Variants in MEIOB observed in about 807,000 individuals in gnomAD.
MEIOB encodes meiosis specific with OB-fold, also known as meiosis-specific with OB domain-containing protein.
MEIOB carries 50 observed loss-of-function variants against 53.1 expected under a neutral mutation model. The observed-to-expected ratio is 0.94, with a 90% CI of 0.75 to 1.19. MEIOB has a LOEUF of 1.19. MEIOB is among the 50% of genes most tolerant of loss of function. The probability of loss-of-function intolerance (pLI) is 0.00; values close to 1 mark genes in which losing one functional copy is unlikely to be tolerated. For synonymous variants in MEIOB, 192 were observed against 182.5 expected, an observed-to-expected ratio of 1.05 and a Z score of -0.42; for missense variants, 551 against 550.8, an observed-to-expected ratio of 1.00 and a Z score of 0.00.
At chr16:1,862,232 T>A in intron 3 of MEIOB, 116 bp from the exon 4 acceptor site, 1 of 770,080 alleles carries the variant, frequency 1.3e-6, no homozygotes, top group Non-Finnish European at 2.0e-6. Context: ...GATTATTTGT[T>A]TAATCAAATA....
intron 11 of MEIOB, chr16:1,839,666 C>G (rs962115079): frequency 4.4e-6 from 2 of 450,828 alleles, no homozygotes; most frequent in South Asian, 3.2e-5. Flanking sequence ...CTCTGCCTGC[C>G]CTCCTTCCCT....
chr16:1,846,364 G>A (rs1208695268), intron 9 of MEIOB, among the ~76,000 whole-genome samples: 3 of 152,124 alleles, frequency 2.0e-5, no homozygotes, highest in African/African-American at 7.2e-5. Context: ...AGAAAGGCAG[G>A]AATTGTGCCC....
At chr16:1,855,385 T>C (rs1173385961) in intron 6 of MEIOB, among the ~76,000 whole-genome samples, 1 of 151,390 alleles carries the variant, frequency 6.6e-6, no homozygotes, top group Admixed American at 6.6e-5. Flanking sequence ...TGAGCCAAGA[T>C]CACGCCACTG....
chr16:1,853,030 G>C lies in MEIOB; in HGVS notation c.778+9C>G. On this transcript the variant is annotated intron_variant, in intron 9 of 13. Coordinates refer to ENST00000325962, the MANE Select transcript of MEIOB (RefSeq NM_001163560.3). ...CCAAAGGGATAAAAGGTTTCACAAAGTTTTTTACCTGGATTAGTTGTAATA... is the reference window on the plus strand; with the variant it reads ...CCAAAGGGATAAAAGGTTTCACAAACTTTTTTACCTGGATTAGTTGTAATA... 1 of 1,579,444 alleles carries C rather than the reference G, an allele frequency of 6.3e-7. No homozygotes were observed. Among genetic ancestry groups the C allele is most frequent in the Non-Finnish European group, 8.7e-7 (1 of 1,150,056 alleles).
intron 9 of MEIOB, among the ~76,000 whole-genome samples, chr16:1,851,520 G>A (rs1055925185): frequency 3.3e-5 from 5 of 151,980 alleles, no homozygotes; most frequent in Admixed American, 6.6e-5. Flanking sequence ...CCATTTTGTC[G>A]TTGCACCCCA....
rs1293838235 is a variant in MEIOB, at chr16:1,858,129, TTGATTCG to T, written c.333-206_333-200del. 2.6e-5 allele frequency among the ~76,000 whole-genome samples: 4 copies of T among 152,220 alleles called. 1 individual carries two copies. Among genetic ancestry groups the T allele is most frequent in the Admixed American group, 2.6e-4 (4 of 15,286 alleles). On this transcript the variant is annotated intron_variant, in intron 5 of 13. Coordinates refer to ENST00000325962, the MANE Select transcript of MEIOB (RefSeq NM_001163560.3). ...TTTCATTAAGGAAATGTTTTGAGAATTGATTCGTGTCGGGGTTCTAAACATACCATTT... is the reference window on the plus strand; with the variant it reads ...TTTCATTAAGGAAATGTTTTGAGAATTGTCGGGGTTCTAAACATACCATTT...
At chr16:1,834,655 T>A (rs62038399) in intron 13 of MEIOB, among the ~76,000 whole-genome samples, 3 of 152,178 alleles carry the variant, frequency 2.0e-5, no homozygotes, top group Non-Finnish European at 4.4e-5. Context: ...GGCCGGGTGC[T>A]GGTGCAGTGG....
At chr16:1,868,290 C>T (rs1053718450) in intron 1 of MEIOB, 106 bp from the exon 2 acceptor site, 3 of 582,420 alleles carry the variant, frequency 5.2e-6, no homozygotes, top group Non-Finnish European at 9.1e-6. Context: ...GACATGGTGG[C>T]TCATACCTGT....
chr16:1,847,383 A>C (rs1596970821), intron 9 of MEIOB, among the ~76,000 whole-genome samples: 1 of 151,040 alleles, frequency 6.6e-6, no homozygotes, highest in Non-Finnish European at 1.5e-5. Flanking sequence ...AATTGCTTGA[A>C]CCCTGGAGGC....
chr16:1,839,420 A>G lies in MEIOB; in HGVS notation c.1053T>C (p.Ile351=), dbSNP rs143531383. 13 of 1,612,038 alleles carry G rather than the reference A, an allele frequency of 8.1e-6. No homozygotes were observed. Among genetic ancestry groups the G allele is most frequent in the South Asian group, 2.2e-5 (2 of 90,482 alleles). The stretch of plus-strand genomic sequence containing the variant: ...TGCACATGTTAGATGCTTCATTTAC[A>G]ATATAACCACAGCTGGAACTGAAAA... ...VRNRCSSCGY[I]VNEASNMCTT... Residue 351 remains isoleucine (I), a synonymous_variant, in exon 12 of 14, where the codon ATT becomes ATC. Transcript: ENST00000325962.
rs116127145 is a variant in MEIOB, at chr16:1,867,320, C to G, written c.69+787G>C. Among the ~76,000 whole-genome samples, 677 of 152,148 alleles carry G rather than the reference C, an allele frequency of 4.4e-3. 6 individuals carry two copies. Among genetic ancestry groups the G allele is most frequent in the African/African-American group, 0.015 (613 of 41,510 alleles). ...ATTGAATTCCCCTATAACTCCTACT[C>G]AAAGAGTCAATTTTCACATCATCAT... On this transcript the variant is annotated intron_variant, in intron 2 of 13. Coordinates refer to ENST00000325962, the MANE Select transcript of MEIOB (RefSeq NM_001163560.3).
rs1899386025 is a variant in MEIOB at position 1,859,384 on chromosome 16, A to G, written c.332+1019T>C. On this transcript the variant is annotated intron_variant, in intron 5 of 13. Transcript: ENST00000325962. ...TAGCAAAACCCCGCCTCTACTAAAA[A>G]TACAAAAATTAGCTGGGTGTGGGGC... 2.0e-5 allele frequency among the ~76,000 whole-genome samples: 3 copies of G among 152,200 alleles called. No individual in the cohort carries two copies. In the South Asian group the frequency reaches 6.2e-4, roughly 32 times the overall value.
At chr16:1,865,023 C>T (rs976728594) in intron 3 of MEIOB, among the ~76,000 whole-genome samples, 1 of 152,134 alleles carries the variant, frequency 6.6e-6, no homozygotes, top group Non-Finnish European at 1.5e-5. Context: ...AAGCATCATG[C>T]CTGTAATCTG....
Position 1,841,922 on chromosome 16 carries a change from A to T in MEIOB, c.932T>A (p.Leu311Ter), listed in dbSNP as rs1481809318. Reference sequence around the variant, plus strand: ...AGGATCAGCTTTTCCTTCATTCTTCAAAGCTTTTCCCTTTAATTGTTCAAC... The same window carrying T: ...AGGATCAGCTTTTCCTTCATTCTTCTAAGCTTTTCCCTTTAATTGTTCAAC... The part of the protein sequence containing the change: ...YTVEQLKGKA[L>*]KNEGKADPSY... Residue 311 changes from leucine to a stop codon, truncating the protein, a stop_gained, in exon 11 of 14, where the codon TTG becomes TAG. Coordinates refer to ENST00000325962, the MANE Select transcript of MEIOB (RefSeq NM_001163560.3). LOFTEE classifies it high-confidence loss of function. 1 of 1,608,978 alleles carries T rather than the reference A, an allele frequency of 6.2e-7. No homozygotes were observed. The highest frequency in any genetic ancestry group is 8.5e-7 in the Non-Finnish European group (1 of 1,177,576).
chr16:1,852,946 C>T, intron 9 of MEIOB, 93 bp downstream of exon 9: 7 of 780,554 alleles, frequency 9.0e-6, no homozygotes, highest in Non-Finnish European at 1.2e-5. Flanking sequence ...GAATTAAATC[C>T]AGGCTGAATT....
intron 1 of MEIOB, among the ~76,000 whole-genome samples, chr16:1,869,686 C>T (rs542168463): frequency 8.6e-5 from 13 of 150,578 alleles, no homozygotes; most frequent in South Asian, 4.2e-4. Flanking sequence ...CTCCTGACCT[C>T]GTGATCCGCC....
At chr16:1,855,890 C>T (rs1390187630) in intron 6 of MEIOB, among the ~76,000 whole-genome samples, 1 of 151,462 alleles carries the variant, frequency 6.6e-6, no homozygotes, top group African/African-American at 2.4e-5. Flanking sequence ...AAGCAATTCA[C>T]ATTTACTTAC....
At chr16:1,844,776 T>C (rs888212481) in intron 10 of MEIOB, 86 bp downstream of exon 10, 1 of 645,488 alleles carries the variant, frequency 1.5e-6, no homozygotes. Context: ...AATAGGAATC[T>C]GGTATCTTTT....
rs10681287 is a variant in MEIOB at position 1,869,876 on chromosome 16, ATT to A, written c.-9-1694_-9-1693del. 7.1e-5 allele frequency among the ~76,000 whole-genome samples: 10 copies of A among 140,428 alleles called. No homozygotes were observed. In the Admixed American group the frequency reaches 7.2e-4, roughly 10 times the overall value. The allele number at this position is 140,428 out of a possible 152,430, so 92.1% of individuals were successfully genotyped here. A position where few individuals can be genotyped will look rare whatever the true frequency, so the allele number is the denominator to read the frequency against. On this transcript the variant is annotated intron_variant, in intron 1 of 13. Transcript: ENST00000325962. The stretch of plus-strand genomic sequence containing the variant: ...ATACTGTGTGAAGGGAAAGGTAGTG[ATT>A]TTTTTTTTTTTGAGACGGAGTCTCG...
Sources: allele counts gnomAD v4.1 joint callset (sites outside exome capture counted in the v4.1 genomes callset), GRCh38; gene constraint gnomAD v4.1.1; transcripts MANE v1.5; gene names NCBI Gene and HGNC (gene_info 2026-07-23, HGNC 2026-07-21).